Variants in TSNARE1 observed in about 807,000 individuals in gnomAD.
TSNARE1 encodes t-SNARE domain containing 1.
In TSNARE1, 49 loss-of-function variants were observed where a neutral mutation model predicts 62.0. That is an observed-to-expected ratio of 0.79 (90% CI 0.63 to 1.00). The LOEUF is 1.00. Ranked by LOEUF, TSNARE1 falls within the 50% of genes least tolerant of loss-of-function variation. TSNARE1 has a pLI of 0.00. For missense variants in TSNARE1, 755 were observed against 700.1 expected, an observed-to-expected ratio of 1.08 and a Z score of -0.88; for synonymous variants, 328 against 294.4, an observed-to-expected ratio of 1.11 and a Z score of -1.17.
chr8:142,311,304 T>TTTTTTTTTTTG (rs1827577069), intron 9 of TSNARE1, among the ~76,000 whole-genome samples: 1 of 139,690 alleles, frequency 7.2e-6, no homozygotes. Flanking sequence ...TTTTTTTTTT[T>TTTTTTTTTTTG]TTTTTTTTTT....
intron 1 of TSNARE1, among the ~76,000 whole-genome samples, chr8:142,381,687 C>G (rs1360667933): frequency 2.0e-5 from 3 of 152,198 alleles, no homozygotes; most frequent in Non-Finnish European, 4.4e-5. Flanking sequence ...TGGGGCAAAC[C>G]ACAGAGTCTT....
At position 142,291,743 on chromosome 8, in the gene TSNARE1, G is replaced by C. The variant is rs552734557; in HGVS notation, c.1291-7258C>G. 6.6e-6 allele frequency among the ~76,000 whole-genome samples: 1 copy of C among 152,158 alleles called. No homozygotes were observed. The highest frequency in any genetic ancestry group is 1.5e-5 in the Non-Finnish European group (1 of 68,018). The stretch of plus-strand genomic sequence containing the variant: ...GCGAGCGTGGGAGCGGCAGGGGTTA[G>C]AGGACACCCCTGGAGTCAGGGCCTG... On this transcript the variant is annotated intron_variant, in intron 10 of 13. Transcript: ENST00000524325. This position sits in a 1 kb window ranked among gnomAD's most constrained non-coding sequence, Gnocchi z 4.8.
chr8:142,275,162 G>A, intron 11 of TSNARE1: 1 of 985,384 alleles, frequency 1.0e-6, no homozygotes, highest in Non-Finnish European at 1.2e-6. Context: ...GCAGGCGGAG[G>A]TGAGGGCTGG....
intron 1 of TSNARE1, among the ~76,000 whole-genome samples, chr8:142,382,444 G>A (rs998981291): frequency 1.1e-4 from 16 of 152,100 alleles, no homozygotes; most frequent in Non-Finnish European, 1.9e-4. Context: ...GGCACTGCCC[G>A]CCAGTCCCTT....
chr8:142,258,056 T>A (rs1029719246), intron 12 of TSNARE1, among the ~76,000 whole-genome samples: 1 of 152,042 alleles, frequency 6.6e-6, no homozygotes, highest in African/African-American at 2.4e-5. Flanking sequence ...TGCTCACACA[T>A]GCACACACAA....
intron 1 of TSNARE1, among the ~76,000 whole-genome samples, chr8:142,386,326 G>C (rs1236024865): frequency 6.6e-6 from 1 of 152,084 alleles, no homozygotes; most frequent in Non-Finnish European, 1.5e-5. Flanking sequence ...TGAAGTATTA[G>C]AGGCATTTAT....
chr8:142,337,423 G>C (rs207470041), intron 4 of TSNARE1, among the ~76,000 whole-genome samples: 6 of 152,238 alleles, frequency 3.9e-5, no homozygotes, highest in African/African-American at 1.4e-4. Flanking sequence ...CCAAAAGCTG[G>C]AGAACGCGAA....
intron 11 of TSNARE1, among the ~76,000 whole-genome samples, chr8:142,280,991 G>T (rs1278021327): frequency 1.3e-5 from 2 of 152,220 alleles, no homozygotes; most frequent in Admixed American, 6.5e-5. Flanking sequence ...GGGTGCTTGA[G>T]CCGCAGTCAC....
At chr8:142,295,415 T>G (rs556572750) in intron 10 of TSNARE1, among the ~76,000 whole-genome samples, 5 of 152,324 alleles carry the variant, frequency 3.3e-5, no homozygotes, top group African/African-American at 1.2e-4. Flanking sequence ...CCCCAGGTCC[T>G]GCTCACTCTT....
At chr8:142,274,736 C>A in intron 12 of TSNARE1, 45 bp downstream of exon 12, 2 of 1,449,648 alleles carry the variant, frequency 1.4e-6, no homozygotes, top group Non-Finnish European at 1.8e-6. Context: ...GGATAGGGGA[C>A]GGAGGCCGGG....
chr8:142,285,828 G>C (rs1260308951), intron 10 of TSNARE1, among the ~76,000 whole-genome samples: 1 of 152,112 alleles, frequency 6.6e-6, no homozygotes, highest in Non-Finnish European at 1.5e-5. Flanking sequence ...TCCCAGTTAA[G>C]TGGCTCTGAT....
At chr8:142,406,772 G>A (rs1838589252), upstream of TSNARE1, 1 of 152,262 alleles carries the variant, frequency 6.6e-6, no homozygotes, top group South Asian at 2.1e-4. Context: ...CATGGGGTGT[G>A]TGGGAGGGTG....
chr8:142,331,749 C>G lies in TSNARE1; in HGVS notation c.823+5G>C. ...GGGGCAGGCCCAGGCCAGACGCACA[C>G]TCACCACTGGAGTTGATTCGGAAGA... On this transcript the variant is annotated splice_donor_5th_base_variant and intron_variant, in intron 5 of 13. Transcript: ENST00000524325. 6.3e-7 allele frequency: 1 copy of G among 1,592,930 alleles called. No individual in the cohort carries two copies. The highest frequency in any genetic ancestry group is 8.5e-7 in the Non-Finnish European group (1 of 1,169,938).
chr8:142,355,667 T>C (rs1435314390), intron 1 of TSNARE1, among the ~76,000 whole-genome samples: 1 of 152,148 alleles, frequency 6.6e-6, no homozygotes, highest in African/African-American at 2.4e-5. Context: ...CCTAATGCTA[T>C]CACTACGGAA....
At chr8:142,355,673 C>T (rs1171594824) in intron 1 of TSNARE1, among the ~76,000 whole-genome samples, 2 of 152,214 alleles carry the variant, frequency 1.3e-5, no homozygotes, top group African/African-American at 2.4e-5. Context: ...GCTATCACTA[C>T]GGAACCTGCT....
At chr8:142,275,480 A>T in intron 11 of TSNARE1, 5 of 985,352 alleles carry the variant, frequency 5.1e-6, no homozygotes, top group Non-Finnish European at 6.0e-6. Flanking sequence ...CCCACGGGAG[A>T]CACCAGACCA....
chr8:142,284,989 G>T (rs1310427485), intron 10 of TSNARE1, among the ~76,000 whole-genome samples: 1 of 152,336 alleles, frequency 6.6e-6, no homozygotes, highest in Non-Finnish European at 1.5e-5. Flanking sequence ...ACTGAGCATG[G>T]GCCAGCACAC....
intron 4 of TSNARE1, among the ~76,000 whole-genome samples, chr8:142,333,512 A>C (rs1383131827): frequency 6.6e-6 from 1 of 152,220 alleles, no homozygotes; most frequent in African/African-American, 2.4e-5. Flanking sequence ...GACCCTCCCA[A>C]CACCAATCCT....
intron 12 of TSNARE1, chr8:142,272,996 A>C: frequency 2.0e-6 from 2 of 985,446 alleles, no homozygotes; most frequent in Non-Finnish European, 2.4e-6. Flanking sequence ...CGGGAACAGG[A>C]GTGGGACAGT....
Sources: gnomAD v4.1 joint callset for allele counts (sites outside exome capture counted in the v4.1 genomes callset) on GRCh38, gnomAD v4.1.1 for gene constraint, Gnocchi (gnomAD v3.1) non-coding constraint, MANE v1.5 for transcripts, NCBI Gene and HGNC (gene_info 2026-07-23, HGNC 2026-07-21) for gene names.